INTS4: variants seen among roughly 807,000 people sequenced by gnomAD.
The protein encoded by INTS4 is MSTP093.
INTS4 carries 70 observed loss-of-function variants against 119.5 expected under a neutral mutation model. The ratio of observed to expected loss-of-function variants is 0.59; its 90% CI spans 0.48 to 0.71. The LOEUF is 0.71. Among genes scored for constraint, INTS4 ranks in the 30% least tolerant of loss-of-function variants. The pLI, the probability that INTS4 is intolerant of heterozygous loss-of-function variation, is 0.00. For missense variants in INTS4, 867 were observed against 1,173.2 expected (o/e 0.74, Z 3.81); for synonymous variants, 316 against 419.6 (o/e 0.75, Z 3.02).
intron 21 of INTS4, among the ~76,000 whole-genome samples, chr11:77,885,693 C>A (rs534807009): frequency 1.0e-3 from 154 of 151,802 alleles, no homozygotes; most frequent in Non-Finnish European, 1.6e-3. Context: ...GTGGCGTGTG[C>A]CTGTAGTCCC....
intron 15 of INTS4, among the ~76,000 whole-genome samples, chr11:77,910,213 A>G (rs542452349): frequency 6.6e-6 from 1 of 152,106 alleles, no homozygotes; most frequent in Non-Finnish European, 1.5e-5. Flanking sequence ...ACAATGATAG[A>G]CTGGATTAAG....
intron 4 of INTS4, among the ~76,000 whole-genome samples, chr11:77,973,479 T>C (rs1259982503): frequency 6.6e-6 from 1 of 152,136 alleles, no homozygotes; most frequent in Non-Finnish European, 1.5e-5. Context: ...TAATGACCTA[T>C]TTGTTTTGTT....
intron 16 of INTS4, among the ~76,000 whole-genome samples, chr11:77,906,023 AAT>A (rs1156523341): frequency 6.6e-6 from 1 of 152,144 alleles, no homozygotes; most frequent in Non-Finnish European, 1.5e-5. Context: ...TTAAAAAATA[AAT>A]ATCTTTAAAT....
At chr11:77,937,911 G>A (rs182780366) in intron 10 of INTS4, among the ~76,000 whole-genome samples, 5 of 152,050 alleles carry the variant, frequency 3.3e-5, no homozygotes, top group African/African-American at 4.8e-5. Context: ...GCAGTGGCAC[G>A]ATCTCAGCTC....
chr11:77,989,285 C>A (rs555588434), intron 2 of INTS4, among the ~76,000 whole-genome samples: 8 of 152,078 alleles, frequency 5.3e-5, no homozygotes, highest in African/African-American at 1.9e-4. Flanking sequence ...GTCTGGAATT[C>A]GAGACTAGCC....
At chr11:77,968,820 T>C (rs984424381) in intron 4 of INTS4, among the ~76,000 whole-genome samples, 1 of 152,164 alleles carries the variant, frequency 6.6e-6, no homozygotes, top group African/African-American at 2.4e-5. Context: ...TGAAAACATA[T>C]ATATATATAA....
At chr11:77,948,163 T>C (rs1954093515) in intron 8 of INTS4, among the ~76,000 whole-genome samples, 2 of 148,684 alleles carry the variant, frequency 1.3e-5, no homozygotes, top group African/African-American at 2.5e-5. Flanking sequence ...GAAGACTCTG[T>C]AGTAACTATG....
At chr11:77,936,400 TGA>T (rs966699025) in intron 10 of INTS4, among the ~76,000 whole-genome samples, 34 of 152,220 alleles carry the variant, frequency 2.2e-4, no homozygotes, top group Non-Finnish European at 3.1e-4. Flanking sequence ...TTCTTTTTTT[TGA>T]GACAGGGTCT....
intron 8 of INTS4, among the ~76,000 whole-genome samples, chr11:77,954,684 C>T (rs994385211): frequency 1.8e-4 from 28 of 152,148 alleles, no homozygotes; most frequent in African/African-American, 5.3e-4. Flanking sequence ...CTAGATCCCG[C>T]ACATGCTCAG....
chr11:77,886,445 C>T (rs1228372310), intron 21 of INTS4, among the ~76,000 whole-genome samples: 1 of 151,128 alleles, frequency 6.6e-6, no homozygotes, highest in Non-Finnish European at 1.5e-5. Context: ...AGGCCCGCGG[C>T]GGGTGTTGAT....
chr11:77,937,961 T>A (rs1433439797), intron 10 of INTS4, among the ~76,000 whole-genome samples: 2 of 152,066 alleles, frequency 1.3e-5, no homozygotes, highest in Admixed American at 6.6e-5. Flanking sequence ...GATTCTTGTG[T>A]CTGAGCCTCT....
intron 10 of INTS4, among the ~76,000 whole-genome samples, chr11:77,936,586 G>A (rs1217415429): frequency 1.3e-5 from 2 of 152,058 alleles, no homozygotes; most frequent in African/African-American, 2.4e-5. Flanking sequence ...CTCCTTATGT[G>A]GTCCAGGATG....
intron 8 of INTS4, 32 bp downstream of exon 8, chr11:77,955,910 G>T (rs1413023544): frequency 3.9e-6 from 6 of 1,557,748 alleles, no homozygotes; most frequent in Non-Finnish European, 5.2e-6. Context: ...ATATATACAT[G>T]CATACATACA....
rs183154619 is a variant in INTS4, at chr11:77,900,512, T to A, written c.2228+909A>T. 2.0e-4 allele frequency: 120 copies of A among 613,178 alleles called. 1 individual carries two copies. In the East Asian group the frequency reaches 2.8e-3, roughly 14 times the overall value. The allele number at this position is 613,178 out of a possible 1,614,324, so 38.0% of individuals were successfully genotyped here. ...AGGATGTTATTTCTGACCTAGTATG[T>A]TTCTGTGTTTAAGCATTCATATTTA... On this transcript the variant is annotated intron_variant, in intron 18 of 22. Transcript: ENST00000534064.
intron 21 of INTS4, among the ~76,000 whole-genome samples, chr11:77,889,439 T>A (rs1565224871): frequency 6.6e-6 from 1 of 151,902 alleles, no homozygotes; most frequent in East Asian, 1.9e-4. Flanking sequence ...GAGATATACC[T>A]AATGCTAGAT....
chr11:77,954,562 G>A lies in INTS4; in HGVS notation c.918+1380C>T, dbSNP rs1954272756. 3.3e-5 allele frequency among the ~76,000 whole-genome samples: 5 copies of A among 152,234 alleles called. No individual in the cohort carries two copies. The South Asian group carries it at 1.0e-3, about 32-fold the overall frequency. On this transcript the variant is annotated intron_variant, in intron 8 of 22. Coordinates refer to ENST00000534064, the MANE Select transcript of INTS4 (RefSeq NM_033547.4). ...GTGGTCCCCCACCTTTTTGGCATCC[G>A]GGTTCAGTTTCATGGAAGAAACCAG...
chr11:77,965,398 T>G (rs1415915410), intron 4 of INTS4, among the ~76,000 whole-genome samples: 2 of 152,182 alleles, frequency 1.3e-5, no homozygotes, highest in African/African-American at 2.4e-5. Flanking sequence ...TATAGTCACC[T>G]GCTATGTAAT....
At chr11:77,964,720 A>T (rs1855418489) in intron 4 of INTS4, among the ~76,000 whole-genome samples, 1 of 151,972 alleles carries the variant, frequency 6.6e-6, no homozygotes, top group Admixed American at 6.6e-5. Flanking sequence ...GAGGAAGGGC[A>T]AGTGGAGGGA....
Position 77,922,430 on chromosome 11 carries a change from A to T in INTS4, c.1556T>A (p.Leu519His). The change falls in exon 13 of 23, where the codon CTT (leucine) becomes CAT (histidine). Residue 519 changes from leucine to histidine, a missense_variant. By Grantham distance (99) the Leu-to-His change is moderately conservative (BLOSUM62 -3). Coordinates refer to ENST00000534064, the MANE Select transcript of INTS4 (RefSeq NM_033547.4). ...GCTCAGAAGCTCTGGCACCAAGGGA[A>T]GCACCAGGGTTGGATGCCGACTTCC... Reference protein sequence around the residue: ...FLGSRHPTLVLPLVPELLSTH... With the variant: ...FLGSRHPTLVHPLVPELLSTH... 2.0e-6 allele frequency: 3 copies of T among 1,509,144 alleles called. No individual in the cohort carries two copies. Among genetic ancestry groups the T allele is most frequent in the Non-Finnish European group, 1.8e-6 (2 of 1,125,988 alleles). The allele number at this position is 1,509,144 out of a possible 1,614,324, so 93.5% of individuals were successfully genotyped here.
Sources: allele counts gnomAD v4.1 joint callset (sites outside exome capture counted in the v4.1 genomes callset), GRCh38; gene constraint gnomAD v4.1.1; transcripts MANE v1.5; gene names NCBI Gene and HGNC (gene_info 2026-07-23, HGNC 2026-07-21).